Variants in ADRA1D observed in about 807,000 individuals in gnomAD.
ADRA1D encodes adrenoceptor alpha 1D.
ADRA1D carries 22 observed loss-of-function variants against 18.6 expected under a neutral mutation model. That is an observed-to-expected ratio of 1.19 (90% CI 0.85 to 1.69). The LOEUF is 1.69. ADRA1D is among the 40% of genes most tolerant of loss of function. The pLI is 0.00. For missense variants in ADRA1D, 840 were observed against 840.7 expected (o/e 1.00, Z 0.01); for synonymous variants, 376 against 388.2 (o/e 0.97, Z 0.37).
intron 1 of ADRA1D, among the ~76,000 whole-genome samples, chr20:4,236,407 T>A (rs2122668544): frequency 6.6e-6 from 1 of 152,080 alleles, no homozygotes; most frequent in South Asian, 2.1e-4. Flanking sequence ...GACTGAGGGA[T>A]GTTTGGGAGG....
At chr20:4,233,276 C>T (rs904896045) in intron 1 of ADRA1D, among the ~76,000 whole-genome samples, 26 of 152,034 alleles carry the variant, frequency 1.7e-4, no homozygotes, top group Non-Finnish European at 3.8e-4. Context: ...GCCTGGGTAA[C>T]ATAGTAAAAC....
At chr20:4,246,590 C>CTT (rs73616159) in intron 1 of ADRA1D, among the ~76,000 whole-genome samples, 7 of 134,710 alleles carry the variant, frequency 5.2e-5, no homozygotes, top group African/African-American at 1.8e-4. Context: ...AGGGAGATGG[C>CTT]TCTCATTTGA....
chr20:4,222,256 C>A lies in ADRA1D; in HGVS notation c.1112-126G>T. The A allele has an allele frequency of 3.0e-6, 4 of 1,344,186 alleles. No homozygotes were observed. The highest frequency in any genetic ancestry group is 3.9e-6 in the Non-Finnish European group (4 of 1,016,508). The allele number at this position is 1,344,186 out of a possible 1,614,324, so 83.3% of individuals were successfully genotyped here. A position where few individuals can be genotyped will look rare whatever the true frequency, so the allele number is the denominator to read the frequency against. On this transcript the variant is annotated intron_variant, in intron 1 of 1. Coordinates refer to ENST00000379453, the MANE Select transcript of ADRA1D (RefSeq NM_000678.4). This position sits in a 1 kb window ranked among gnomAD's most constrained non-coding sequence, Gnocchi z 4.3. ...CATTGACTAGGAGTTCTCAAGGGAT[C>A]CGTGCTGTAAATCAGGAGGTCCATG... is the stretch of plus-strand genomic sequence containing the variant.
rs745639541 is a variant in ADRA1D, at chr20:4,222,148, C to T, written c.1112-18G>A. 3 of 1,609,374 alleles carry T rather than the reference C, an allele frequency of 1.9e-6. No homozygotes were observed. The African/African-American group carries it at 4.0e-5, about 22-fold the overall frequency. ...CAAGGAGCCTGTAGGGAGCAGAGAC[C>T]GATACTATTTAGCTGCTTGGGGAGG... On this transcript the variant is annotated intron_variant, in intron 1 of 1. Coordinates refer to ENST00000379453, the MANE Select transcript of ADRA1D (RefSeq NM_000678.4). This position sits in a 1 kb window ranked among gnomAD's most constrained non-coding sequence, Gnocchi z 4.3.
intron 1 of ADRA1D, among the ~76,000 whole-genome samples, chr20:4,243,042 G>T (rs1346157966): frequency 6.6e-6 from 1 of 152,144 alleles, no homozygotes; most frequent in African/African-American, 2.4e-5. Context: ...CTTCTCTGCA[G>T]TTGGGTGCTT....
At chr20:4,247,792 C>T (rs1328583055) in intron 1 of ADRA1D, 55 bp downstream of exon 1, 11 of 1,430,840 alleles carry the variant, frequency 7.7e-6, no homozygotes, top group Non-Finnish European at 1.0e-5. Context: ...GCCAGGAGGG[C>T]ACCGCCATAG....
chr20:4,224,993 GTTTT>G (rs562415272), intron 1 of ADRA1D, among the ~76,000 whole-genome samples: 11 of 120,060 alleles, frequency 9.2e-5, no homozygotes, highest in Non-Finnish European at 1.2e-4. Flanking sequence ...GGCCATCTAA[GTTTT>G]TTTTTTTTTT....
At chr20:4,237,141 G>T (rs1037941994) in intron 1 of ADRA1D, among the ~76,000 whole-genome samples, 2 of 152,090 alleles carry the variant, frequency 1.3e-5, no homozygotes, top group African/African-American at 4.8e-5. Flanking sequence ...GGCTGAGAAG[G>T]AGCAGCCAGA....
intron 1 of ADRA1D, among the ~76,000 whole-genome samples, chr20:4,238,584 G>A (rs1387034080): frequency 6.6e-6 from 1 of 152,198 alleles, no homozygotes; most frequent in Non-Finnish European, 1.5e-5. Flanking sequence ...CAGGACTTAT[G>A]GGGAGACCCT....
intron 1 of ADRA1D, among the ~76,000 whole-genome samples, chr20:4,245,668 T>A (rs1454234079): frequency 6.6e-6 from 1 of 152,190 alleles, no homozygotes; most frequent in African/African-American, 2.4e-5. Flanking sequence ...GCTGGCATTC[T>A]ACACAGGTTG....
intron 1 of ADRA1D, among the ~76,000 whole-genome samples, chr20:4,244,639 T>C (rs1481192688): frequency 2.6e-5 from 4 of 152,194 alleles, no homozygotes; most frequent in Admixed American, 6.5e-5. Context: ...CAGTGTTCCC[T>C]GTTCCTTCAA....
At position 4,221,769 on chromosome 20, in the gene ADRA1D, G is replaced by T; in HGVS notation, c.1473C>A (p.Pro491=). ...QAPVASRRKP[P]SAFREWRLLG... ...GCAGCCTCCACTCGCGGAAGGCGCT[G>T]GGTGGCTTTCGACGGCTGGCGACCG... The change falls in exon 2 of 2, where the codon CCC becomes CCA. Residue 491 remains proline (P), a synonymous_variant. Transcript: ENST00000379453. 6.3e-7 allele frequency: 1 copy of T among 1,593,880 alleles called. No individual in the cohort carries two copies. The highest frequency in any genetic ancestry group is 8.5e-7 in the Non-Finnish European group (1 of 1,173,660).
rs549361539 is a variant in ADRA1D at position 4,246,006 on chromosome 20, C to T, written c.1111+1841G>A. On this transcript the variant is annotated intron_variant, in intron 1 of 1. Transcript: ENST00000379453. ...GTTCCACGATGGCCCTATAGATAGG[C>T]ATGATTACCATCACCCCATCTCTAT... is the stretch of plus-strand genomic sequence containing the variant. 6.6e-4 allele frequency among the ~76,000 whole-genome samples: 101 copies of T among 152,308 alleles called. 1 individual carries two copies. In the Middle Eastern group the frequency reaches 0.014, roughly 21 times the overall value.
rs530599616 is a variant in ADRA1D at position 4,236,823 on chromosome 20, A to G, written c.1111+11024T>C. On this transcript the variant is annotated intron_variant, in intron 1 of 1. Coordinates refer to ENST00000379453, the MANE Select transcript of ADRA1D (RefSeq NM_000678.4). ...GACCATTCTGCGGATAGATGGAGGC[A>G]GGGCCATGAGCCAAGACATCCAGTG... Among the ~76,000 whole-genome samples, 7 of 152,310 alleles carry G rather than the reference A, an allele frequency of 4.6e-5. No homozygotes were observed. The East Asian group carries it at 9.7e-4, about 21-fold the overall frequency.
intron 1 of ADRA1D, among the ~76,000 whole-genome samples, chr20:4,230,573 T>C (rs1980929043): frequency 6.6e-6 from 1 of 152,154 alleles, no homozygotes; most frequent in Non-Finnish European, 1.5e-5. Flanking sequence ...TCAACCCATA[T>C]CCTCTCCACT....
At chr20:4,229,857 C>T (rs983484412) in intron 1 of ADRA1D, among the ~76,000 whole-genome samples, 1 of 152,018 alleles carries the variant, frequency 6.6e-6, no homozygotes, top group South Asian at 2.1e-4. Flanking sequence ...CTGGTCACGT[C>T]ACTCCTCTGC....
intron 1 of ADRA1D, among the ~76,000 whole-genome samples, chr20:4,232,308 G>T (rs1980990245): frequency 6.6e-6 from 1 of 152,358 alleles, no homozygotes; most frequent in East Asian, 1.9e-4. Flanking sequence ...CCTCAACTCA[G>T]CCTAGAACCT....
At chr20:4,245,455 G>C (rs1981313800) in intron 1 of ADRA1D, among the ~76,000 whole-genome samples, 1 of 152,188 alleles carries the variant, frequency 6.6e-6, no homozygotes, top group South Asian at 2.1e-4. Flanking sequence ...AAAGAGGAAG[G>C]GACAGGAGGA....
chr20:4,249,024 A>G lies in ADRA1D; in HGVS notation c.-67T>C. Reference sequence around the variant, plus strand: ...GAGCGGCCGGCAGGGAGGGGAGCACAGGGCATAGCCGCGGGGCTCCAGATG... The same window carrying G: ...GAGCGGCCGGCAGGGAGGGGAGCACGGGGCATAGCCGCGGGGCTCCAGATG... On this transcript the variant is annotated 5_prime_UTR_variant, in exon 1 of 2. Coordinates refer to ENST00000379453, the MANE Select transcript of ADRA1D (RefSeq NM_000678.4). 8.7e-7 allele frequency: 1 copy of G among 1,149,508 alleles called. No homozygotes were observed. The highest frequency in any genetic ancestry group is 1.1e-6 in the Non-Finnish European group (1 of 916,936). The allele number at this position is 1,149,508 out of a possible 1,614,324, so 71.2% of individuals were successfully genotyped here. A position where few individuals can be genotyped will look rare whatever the true frequency, so the allele number is the denominator to read the frequency against.
Sources: gnomAD v4.1 joint callset for allele counts (sites outside exome capture counted in the v4.1 genomes callset) on GRCh38, gnomAD v4.1.1 for gene constraint, Gnocchi (gnomAD v3.1) non-coding constraint, MANE v1.5 for transcripts, NCBI Gene and HGNC (gene_info 2026-07-23, HGNC 2026-07-21) for gene names.